Variants in FTO observed in about 807,000 individuals in gnomAD.
The protein encoded by FTO is FTO alpha-ketoglutarate dependent dioxygenase.
Under a neutral mutation model 63.9 loss-of-function variants are expected in FTO, and 47 were observed. The observed-to-expected ratio is 0.74, with a 90% confidence interval of 0.58 to 0.94. FTO has a LOEUF of 0.94. Ranked by LOEUF, FTO falls within the 40% of genes least tolerant of loss-of-function variation. FTO has a pLI of 0.00. For missense variants in FTO, 562 were observed against 618.1 expected (o/e 0.91, Z 0.96); for synonymous variants, 207 against 224.4 (o/e 0.92, Z 0.69).
chr16:53,926,720 A>G (rs2082146474), intron 7 of FTO, among the ~76,000 whole-genome samples: 1 of 152,226 alleles, frequency 6.6e-6, no homozygotes, highest in African/African-American at 2.4e-5. Context: ...GAAGTATAGT[A>G]TAGAATAGCC....
chr16:53,925,783 G>A (rs958266749), intron 7 of FTO, among the ~76,000 whole-genome samples: 2 of 152,182 alleles, frequency 1.3e-5, no homozygotes, highest in African/African-American at 4.8e-5. Flanking sequence ...CATACTGAAA[G>A]TTACTGACTG....
At chr16:53,749,300 G>A (rs1484845741) in intron 1 of FTO, among the ~76,000 whole-genome samples, 1 of 152,008 alleles carries the variant, frequency 6.6e-6, no homozygotes, top group Non-Finnish European at 1.5e-5. Flanking sequence ...CTATTTGGAT[G>A]CTTTTTTTCT....
intron 2 of FTO, among the ~76,000 whole-genome samples, chr16:53,823,921 T>C (rs1405558330): frequency 1.3e-5 from 2 of 152,114 alleles, no homozygotes; most frequent in Non-Finnish European, 2.9e-5. Flanking sequence ...ACTTATATCT[T>C]TTTTTATCCC....
intron 8 of FTO, among the ~76,000 whole-genome samples, chr16:54,032,808 G>C (rs1212885313): frequency 6.6e-6 from 1 of 152,104 alleles, no homozygotes; most frequent in Non-Finnish European, 1.5e-5. Context: ...GGGTCCTGGG[G>C]ATGGATCCCT....
At chr16:54,056,902 T>G (rs1206238866) in intron 8 of FTO, among the ~76,000 whole-genome samples, 1 of 152,210 alleles carries the variant, frequency 6.6e-6, no homozygotes, top group Non-Finnish European at 1.5e-5. Context: ...TACTGGCCAA[T>G]TACCACATGT....
At chr16:53,739,117 G>A (rs776985844) in intron 1 of FTO, among the ~76,000 whole-genome samples, 17 of 152,164 alleles carry the variant, frequency 1.1e-4, no homozygotes, top group Admixed American at 5.2e-4. Context: ...GTGAGCCATC[G>A]CAATCTGGCC....
chr16:53,894,187 T>C (rs2081221870), intron 7 of FTO, among the ~76,000 whole-genome samples: 1 of 152,220 alleles, frequency 6.6e-6, no homozygotes, highest in Non-Finnish European at 1.5e-5. Flanking sequence ...TTAGTTATAA[T>C]AGTTTAATTT....
chr16:54,063,358 T>C (rs1368452459), intron 8 of FTO, among the ~76,000 whole-genome samples: 1 of 152,202 alleles, frequency 6.6e-6, no homozygotes, highest in Non-Finnish European at 1.5e-5. Flanking sequence ...GAAATCTGCT[T>C]TTCGTCAATG....
chr16:54,015,855 G>A (rs1861554), intron 8 of FTO, among the ~76,000 whole-genome samples: 78,751 of 152,016 alleles, frequency 0.52, 22,670 homozygotes, highest in African/African-American at 0.77. Context: ...CAGGAAACAG[G>A]ATTCGAACCC....
chr16:53,828,430 A>G (rs1053964281), intron 3 of FTO, among the ~76,000 whole-genome samples: 1 of 152,030 alleles, frequency 6.6e-6, no homozygotes, highest in East Asian at 1.9e-4. Context: ...CGTGGTCTCA[A>G]TCTTCTGATC....
chr16:53,851,962 G>A (rs1227105084), intron 4 of FTO, among the ~76,000 whole-genome samples: 1 of 151,876 alleles, frequency 6.6e-6, no homozygotes, highest in Non-Finnish European at 1.5e-5. Context: ...ATATATACTT[G>A]TACTTTTATT....
chr16:53,837,048 T>C (rs1462261022), intron 3 of FTO, among the ~76,000 whole-genome samples: 2 of 152,240 alleles, frequency 1.3e-5, no homozygotes, highest in African/African-American at 4.8e-5. Flanking sequence ...ACCCAAGGAA[T>C]TGAAACCTCT....
At chr16:53,766,288 C>T (rs9940278) in intron 1 of FTO, among the ~76,000 whole-genome samples, 63,323 of 151,834 alleles carry the variant, frequency 0.42, 13,441 homozygotes, top group Non-Finnish European at 0.44. Flanking sequence ...TGCAGTGGCG[C>T]GATCGTGGCT....
chr16:53,727,862 T>G (rs1238916516), intron 1 of FTO, among the ~76,000 whole-genome samples: 1 of 152,230 alleles, frequency 6.6e-6, no homozygotes, highest in African/African-American at 2.4e-5. Context: ...TTGCTTTTGT[T>G]AAGTACTGTA....
chr16:53,815,874 C>T (rs952145549), intron 2 of FTO, among the ~76,000 whole-genome samples: 8 of 151,814 alleles, frequency 5.3e-5, no homozygotes, highest in African/African-American at 1.9e-4. Context: ...GTCTCAAACT[C>T]CTGACCTCAA....
chr16:53,959,054 G>T (rs559713093), intron 8 of FTO, among the ~76,000 whole-genome samples: 1 of 152,328 alleles, frequency 6.6e-6, no homozygotes, highest in African/African-American at 2.4e-5. Context: ...TACATATTAA[G>T]TGCCTCTCTG....
At chr16:53,778,506 G>A (rs1450615421) in intron 1 of FTO, among the ~76,000 whole-genome samples, 2 of 152,146 alleles carry the variant, frequency 1.3e-5, no homozygotes, top group African/African-American at 4.8e-5. Flanking sequence ...ATGTCCACAC[G>A]GTGAAAAAAG....
intron 8 of FTO, among the ~76,000 whole-genome samples, chr16:54,051,170 T>C (rs2085303329): frequency 6.6e-6 from 1 of 152,122 alleles, no homozygotes; most frequent in African/African-American, 2.4e-5. Context: ...CTGCCATTTC[T>C]CCTCCTTCAA....
intron 1 of FTO, among the ~76,000 whole-genome samples, chr16:53,718,473 T>C (rs1250187821): frequency 6.6e-6 from 1 of 152,138 alleles, no homozygotes; most frequent in Non-Finnish European, 1.5e-5. Flanking sequence ...GCAAATATAA[T>C]TTGTTTTTTC....
Sources: gnomAD v4.1 joint callset for allele counts (sites outside exome capture counted in the v4.1 genomes callset) on GRCh38, gnomAD v4.1.1 for gene constraint, MANE v1.5 for transcripts, NCBI Gene and HGNC (gene_info 2026-07-23, HGNC 2026-07-21) for gene names.